The following SDK1 variants were observed in gnomAD, a reference collection of about 807,000 sequenced individuals.
SDK1 encodes the protein sidekick cell adhesion molecule 1.
A neutral mutation model predicts 245.5 loss-of-function variants in SDK1; 157 were observed. The observed-to-expected ratio is 0.64, with a 90% CI of 0.56 to 0.73. The LOEUF (loss-of-function observed/expected upper bound fraction) is 0.73. SDK1 is among the 30% of genes least tolerant of loss of function. The pLI, the probability that SDK1 is intolerant of heterozygous loss-of-function variation, is 0.00. For missense variants in SDK1, 3,583 were observed against 3,002.3 expected (o/e 1.19, Z -4.52); for synonymous variants, 1,647 against 1,278.5 (o/e 1.29, Z -6.15).
intron 38 of SDK1, among the ~76,000 whole-genome samples, chr7:4,217,083 C>A (rs113847612): frequency 3.0e-3 from 56 of 18,474 alleles, no homozygotes; most frequent in African/African-American, 0.017. Context: ...CCACCCGGAG[C>A]ACCACACCAC....
At chr7:3,555,034 A>G (rs1428324847) in intron 1 of SDK1, among the ~76,000 whole-genome samples, 1 of 152,204 alleles carries the variant, frequency 6.6e-6, no homozygotes, top group Non-Finnish European at 1.5e-5. Context: ...ATTCAATGCA[A>G]TCCCTATCAA....
At chr7:4,170,402 G>A (rs975885827) in intron 32 of SDK1, among the ~76,000 whole-genome samples, 4 of 152,026 alleles carry the variant, frequency 2.6e-5, no homozygotes, top group Admixed American at 2.0e-4. Context: ...AGCTCTGATC[G>A]CACCCCTGCA....
chr7:3,762,584 A>G (rs751460030), intron 4 of SDK1, among the ~76,000 whole-genome samples: 1 of 152,224 alleles, frequency 6.6e-6, no homozygotes. Context: ...AGCGATAGCC[A>G]TTCTCCATTT....
chr7:3,995,052 G>C (rs544229929), intron 14 of SDK1, among the ~76,000 whole-genome samples: 1 of 152,134 alleles, frequency 6.6e-6, no homozygotes, highest in Non-Finnish European at 1.5e-5. Flanking sequence ...AGAGGTTCTC[G>C]TTCCCTGAAG....
rs149102960 is a variant in SDK1, at chr7:3,589,425, C to T, written c.299-29655C>T. ...TCTTCCCGTGCACCAGCACCACCTC[C>T]ATGGCGCCTCCCCATGTCTTTTAGG... is the stretch of plus-strand genomic sequence containing the variant. On this transcript the variant is annotated intron_variant, in intron 1 of 44. Transcript: ENST00000404826. Among the ~76,000 whole-genome samples, 729 of 152,346 alleles carry T rather than the reference C, an allele frequency of 4.8e-3. 7 individuals carry two copies. The highest frequency in any genetic ancestry group is 0.016 in the African/African-American group (672 of 41,564).
chr7:4,199,581 C>G (rs949149982), intron 35 of SDK1, among the ~76,000 whole-genome samples: 2 of 152,172 alleles, frequency 1.3e-5, no homozygotes, highest in Admixed American at 1.3e-4. Flanking sequence ...TCCTCCTTTT[C>G]CTATGGAAAC....
At chr7:3,717,082 A>C (rs1384654289) in intron 4 of SDK1, among the ~76,000 whole-genome samples, 1 of 152,210 alleles carries the variant, frequency 6.6e-6, no homozygotes, top group African/African-American at 2.4e-5. Context: ...GGGAAGGGAA[A>C]AAGATTTCAG....
chr7:4,081,476 G>T (rs1045097043), intron 22 of SDK1, among the ~76,000 whole-genome samples: 2 of 151,582 alleles, frequency 1.3e-5, no homozygotes, highest in Non-Finnish European at 2.9e-5. Flanking sequence ...CTGGAGTGCA[G>T]TGGCGCCTTC....
chr7:3,524,892 A>G (rs1246607475), intron 1 of SDK1, among the ~76,000 whole-genome samples: 1 of 152,196 alleles, frequency 6.6e-6, no homozygotes, highest in Admixed American at 6.5e-5. Context: ...CACATCTGTA[A>G]TCCCAGCAGA....
chr7:3,642,406 C>G (rs1782679617), intron 4 of SDK1, among the ~76,000 whole-genome samples: 1 of 152,122 alleles, frequency 6.6e-6, no homozygotes, highest in Admixed American at 6.5e-5. Context: ...TTTAAGATGT[C>G]ATTGTCATCC....
intron 4 of SDK1, among the ~76,000 whole-genome samples, chr7:3,707,198 A>T (rs1384593210): frequency 1.3e-5 from 2 of 152,196 alleles, no homozygotes; most frequent in Admixed American, 1.3e-4. Context: ...TTATGCTATA[A>T]ACTTTTCTCT....
chr7:3,379,251 T>C (rs1037428296), intron 1 of SDK1, among the ~76,000 whole-genome samples: 1 of 152,184 alleles, frequency 6.6e-6, no homozygotes, highest in African/African-American at 2.4e-5. Context: ...ATGGAGCTTA[T>C]GTATGGTCTT....
intron 28 of SDK1, among the ~76,000 whole-genome samples, chr7:4,144,173 G>A (rs1011159428): frequency 1.4e-4 from 22 of 152,158 alleles, no homozygotes; most frequent in African/African-American, 4.3e-4. Context: ...AGAGCTGGCC[G>A]CCGTCTCTAG....
At position 4,113,377 on chromosome 7, in the gene SDK1, G is replaced by C; in HGVS notation, c.3523G>C (p.Val1175Leu). The change falls in exon 24 of 45, where the codon GTG becomes CTG. Residue 1175 changes from valine (V) to leucine (L), a missense_variant. Val to Leu is a conservative substitution (Grantham distance 32, BLOSUM62 1). Coordinates refer to ENST00000404826, the MANE Select transcript of SDK1 (RefSeq NM_152744.4). The stretch of plus-strand genomic sequence containing the variant: ...CCAGACCCTGCAGGCCCCACCCGAC[G>C]TGGCTCCAACCAGCGTCACGGTCCG... ...VIQTLQAPPD[V>L]APTSVTVRTA... The C allele has an allele frequency of 6.2e-7, 1 of 1,613,894 alleles. No homozygotes were observed. Among genetic ancestry groups the C allele is most frequent in the Non-Finnish European group, 8.5e-7 (1 of 1,180,034 alleles).
At chr7:4,245,620 C>A in intron 43 of SDK1, 56 bp from the exon 44 acceptor site, 2 of 1,594,644 alleles carry the variant, frequency 1.3e-6, no homozygotes, top group African/African-American at 2.7e-5. Flanking sequence ...TAGGAGTCCT[C>A]CGGGGAAGGG....
At chr7:3,660,782 A>C (rs745743628) in intron 4 of SDK1, among the ~76,000 whole-genome samples, 46 of 152,188 alleles carry the variant, frequency 3.0e-4, no homozygotes, top group Admixed American at 1.2e-3. Context: ...TTTACCTTGG[A>C]AGGTTATAAA....
intron 1 of SDK1, among the ~76,000 whole-genome samples, chr7:3,547,021 CTT>C (rs1413006742): frequency 6.6e-6 from 1 of 152,062 alleles, no homozygotes; most frequent in Non-Finnish European, 1.5e-5. Context: ...AATTTTTAAT[CTT>C]AAGATTAAAA....
At chr7:4,147,327 C>A (rs770480150) in intron 29 of SDK1, among the ~76,000 whole-genome samples, 1 of 152,102 alleles carries the variant, frequency 6.6e-6, no homozygotes, top group African/African-American at 2.4e-5. Context: ...ACTACAGGCA[C>A]ACACCACCCA....
At chr7:3,675,903 A>T (rs144583684) in intron 4 of SDK1, among the ~76,000 whole-genome samples, 2 of 152,228 alleles carry the variant, frequency 1.3e-5, no homozygotes, top group East Asian at 3.9e-4. Flanking sequence ...GATTTATCTA[A>T]CTTCCTTTTA....
Sources: gnomAD v4.1 joint callset for allele counts (sites outside exome capture counted in the v4.1 genomes callset) on GRCh38, gnomAD v4.1.1 for gene constraint, MANE v1.5 for transcripts, NCBI Gene and HGNC (gene_info 2026-07-23, HGNC 2026-07-21) for gene names.